The following CAMK2A variants were observed in gnomAD, a reference collection of about 807,000 sequenced individuals.
The protein encoded by CAMK2A is calcium/calmodulin dependent protein kinase II alpha, also known as calcium/calmodulin-dependent protein kinase type II subunit alpha.
A neutral mutation model predicts 79.2 loss-of-function variants in CAMK2A; 7 were observed. That is an observed-to-expected ratio of 0.09 (90% CI 0.05 to 0.17). CAMK2A has a LOEUF of 0.17. CAMK2A is among the 10% of genes least tolerant of loss of function. The probability of loss-of-function intolerance (pLI) is 1.00; values close to 1 mark genes in which losing one functional copy is unlikely to be tolerated. For synonymous variants in CAMK2A, 242 were observed against 251.7 expected (o/e 0.96, Z 0.36); for missense variants, 214 against 646.4 (o/e 0.33, Z 7.25).
At chr5:150,283,018 C>A (rs893029966) in intron 1 of CAMK2A, among the ~76,000 whole-genome samples, 6 of 152,238 alleles carry the variant, frequency 3.9e-5, no homozygotes, top group African/African-American at 1.4e-4. Context: ...GACATCTCTG[C>A]AGACATAAGA....
chr5:150,257,687 C>T (rs1044224048), intron 3 of CAMK2A, 70 bp from the exon 4 acceptor site: 2 of 1,258,076 alleles, frequency 1.6e-6, no homozygotes, highest in Non-Finnish European at 2.3e-6. Flanking sequence ...CCCTCTCTCC[C>T]CTCCCGTGTA....
intron 15 of CAMK2A, among the ~76,000 whole-genome samples, chr5:150,237,639 C>T (rs1011678699): frequency 2.6e-5 from 4 of 152,094 alleles, no homozygotes; most frequent in Non-Finnish European, 4.4e-5. Context: ...TTGTGAGCCA[C>T]GGGACGACAG....
At chr5:150,245,323 G>A (rs1755517108) in intron 12 of CAMK2A, 122 bp from the exon 13 acceptor site, 1 of 817,396 alleles carries the variant, frequency 1.2e-6, no homozygotes, top group Admixed American at 2.2e-5. Context: ...AGCTGGCCCA[G>A]CGATCCTGGG....
chr5:150,247,582 G>A (rs1431919868), intron 12 of CAMK2A, among the ~76,000 whole-genome samples, 190 bp downstream of exon 12: 1 of 152,156 alleles, frequency 6.6e-6, no homozygotes, highest in East Asian at 1.9e-4. Context: ...CCCTGGGCTT[G>A]CTGACTTTTG....
rs143106808 is a variant in CAMK2A at position 150,283,644 on chromosome 5, G to A, written c.62+5920C>T. On this transcript the variant is annotated intron_variant, in intron 1 of 18. Coordinates refer to ENST00000671881, the MANE Select transcript of CAMK2A (RefSeq NM_015981.4). Reference sequence around the variant, plus strand: ...CCCAACTAATCGAGGTCTCTTTGCAGCTCACAATTCCATGTGTGTGGCCAA... The same window carrying A: ...CCCAACTAATCGAGGTCTCTTTGCAACTCACAATTCCATGTGTGTGGCCAA... Among the ~76,000 whole-genome samples, 535 of 152,262 alleles carry A rather than the reference G, an allele frequency of 3.5e-3. 2 individuals carry two copies. Among genetic ancestry groups the A allele is most frequent in the African/African-American group, 0.011 (468 of 41,528 alleles).
chr5:150,223,303 C>T lies in CAMK2A; in HGVS notation c.1238-86G>A. 1 of 1,138,184 alleles carries T rather than the reference C, an allele frequency of 8.8e-7. No individual in the cohort carries two copies. The highest frequency in any genetic ancestry group is 1.4e-5 in the South Asian group (1 of 71,536). 70.5% of individuals were successfully genotyped at this position (1,138,184 alleles called of 1,614,324 possible). A position where few individuals can be genotyped will look rare whatever the true frequency, so the allele number is the denominator to read the frequency against. On this transcript the variant is annotated intron_variant, in intron 17 of 18. Coordinates refer to ENST00000671881, the MANE Select transcript of CAMK2A (RefSeq NM_015981.4). This position sits in a 1 kb window ranked among gnomAD's most constrained non-coding sequence, Gnocchi z 4.1. Reference sequence around the variant, plus strand: ...TTCACTTTCTCCACTCCCAGCAGCCCTCTCAATGGAGGCGCCCTGCCTGAC... The same window carrying T: ...TTCACTTTCTCCACTCCCAGCAGCCTTCTCAATGGAGGCGCCCTGCCTGAC...
At chr5:150,250,569 G>T in intron 10 of CAMK2A, 119 bp downstream of exon 10, 1 of 1,372,302 alleles carries the variant, frequency 7.3e-7, no homozygotes, top group South Asian at 1.3e-5. Context: ...AGCAGGGGCA[G>T]TCTCTTGGAT....
intron 2 of CAMK2A, among the ~76,000 whole-genome samples, chr5:150,267,442 C>T (rs958368845): frequency 5.3e-5 from 8 of 152,188 alleles, no homozygotes; most frequent in African/African-American, 1.4e-4. Flanking sequence ...AGAATATTGA[C>T]AGGATTGAAA....
At chr5:150,251,688 G>A (rs746264752) in intron 9 of CAMK2A, 62 bp downstream of exon 9, 5 of 1,300,370 alleles carry the variant, frequency 3.8e-6, no homozygotes, top group African/African-American at 1.5e-5. Context: ...GTGGCTTGGC[G>A]CTGGCTTTCA....
chr5:150,224,400 T>C (rs1335217125), intron 17 of CAMK2A, among the ~76,000 whole-genome samples: 2 of 152,002 alleles, frequency 1.3e-5, no homozygotes, highest in East Asian at 3.9e-4. Context: ...ATATTAAAAA[T>C]CTCCCTTCTC....
At chr5:150,288,598 G>A (rs1041773679) in intron 1 of CAMK2A, among the ~76,000 whole-genome samples, 6 of 152,020 alleles carry the variant, frequency 3.9e-5, no homozygotes, top group African/African-American at 1.5e-4. Flanking sequence ...TGCCTCCAGG[G>A]CCCCTCCCCC....
intron 3 of CAMK2A, among the ~76,000 whole-genome samples, chr5:150,260,555 T>C (rs903908683): frequency 1.3e-5 from 2 of 152,082 alleles, no homozygotes; most frequent in African/African-American, 4.8e-5. Flanking sequence ...AGAAGCCCTT[T>C]GGTAAGTTGG....
intron 3 of CAMK2A, among the ~76,000 whole-genome samples, chr5:150,257,883 C>T (rs1159187760): frequency 2.0e-5 from 3 of 152,218 alleles, no homozygotes; most frequent in South Asian, 2.1e-4. Context: ...CTCCCCTCTC[C>T]GAAACCCTGT....
rs569382713 is a variant in CAMK2A at position 150,273,805 on chromosome 5, C to A, written c.63-646G>T. Among the ~76,000 whole-genome samples the A allele has an allele frequency of 2.6e-5, 4 of 152,326 alleles. No homozygotes were observed. The East Asian group carries it at 7.7e-4, about 29-fold the overall frequency. On this transcript the variant is annotated intron_variant, in intron 1 of 18. Coordinates refer to ENST00000671881, the MANE Select transcript of CAMK2A (RefSeq NM_015981.4). The stretch of plus-strand genomic sequence containing the variant: ...TATGGCTGTCCGATCCTTTATTCAG[C>A]CAGTCCCCTACTGATGGGCACTCAG...
At chr5:150,283,957 C>A (rs1019849618) in intron 1 of CAMK2A, among the ~76,000 whole-genome samples, 2 of 152,156 alleles carry the variant, frequency 1.3e-5, no homozygotes, top group Non-Finnish European at 2.9e-5. Flanking sequence ...CACCTGACAC[C>A]GTGGTAGACA....
In CAMK2A at chr5:150,222,979, G is replaced by T. The variant is rs986384006; in HGVS notation, c.1466+10C>A. On this transcript the variant is annotated intron_variant, in intron 18 of 18. Coordinates refer to ENST00000671881, the MANE Select transcript of CAMK2A (RefSeq NM_015981.4). ...CATTACCCTGGGAGGCAGGAAGGAGGGATTCTTACTGGGGCAGGACGGAGG... is the reference window on the plus strand; with the variant it reads ...CATTACCCTGGGAGGCAGGAAGGAGTGATTCTTACTGGGGCAGGACGGAGG... 2 of 1,609,924 alleles carry T rather than the reference G, an allele frequency of 1.2e-6. No homozygotes were observed. Among genetic ancestry groups the T allele is most frequent in the Non-Finnish European group, 1.7e-6 (2 of 1,176,186 alleles).
intron 16 of CAMK2A, among the ~76,000 whole-genome samples, chr5:150,229,409 C>T (rs1269960516): frequency 6.6e-6 from 1 of 152,190 alleles, no homozygotes; most frequent in African/African-American, 2.4e-5. Flanking sequence ...AAGCCCCAAC[C>T]CTGGAGGCAC....
Position 150,279,619 on chromosome 5 carries a change from G to A in CAMK2A, c.63-6460C>T, listed in dbSNP as rs148765440. On this transcript the variant is annotated intron_variant, in intron 1 of 18. Transcript: ENST00000671881. Reference sequence around the variant, plus strand: ...AAATGGACATTGTTTGCCAAGCTCGGGGAAGAAGCAAGCCAAGGTGGACGT... The same window carrying A: ...AAATGGACATTGTTTGCCAAGCTCGAGGAAGAAGCAAGCCAAGGTGGACGT... Among the ~76,000 whole-genome samples, 254 of 152,304 alleles carry A rather than the reference G, an allele frequency of 1.7e-3. 1 individual carries two copies. The highest frequency in any genetic ancestry group is 5.3e-3 in the African/African-American group (222 of 41,544).
At position 150,256,906 on chromosome 5, in the gene CAMK2A, AC is replaced by A; in HGVS notation, c.273-76del. On this transcript the variant is annotated intron_variant, in intron 4 of 18. Transcript: ENST00000671881. The surrounding 1 kb of genome is among the most constrained non-coding windows in gnomAD (Gnocchi z 4.6). ...CCTCATCTGGAGGAGTCTCCAGGAA[AC>A]TAAGGATGGGGCCCAGGGACCTCAG... is the stretch of plus-strand genomic sequence containing the variant. The A allele has an allele frequency of 7.5e-7, 1 of 1,335,118 alleles. No individual in the cohort carries two copies. Among genetic ancestry groups the A allele is most frequent in the East Asian group, 2.4e-5 (1 of 40,900 alleles). 82.7% of individuals were successfully genotyped at this position (1,335,118 alleles called of 1,614,324 possible). A position where few individuals can be genotyped will look rare whatever the true frequency, so the allele number is the denominator to read the frequency against.
Sources: allele counts gnomAD v4.1 joint callset (sites outside exome capture counted in the v4.1 genomes callset), GRCh38; gene constraint gnomAD v4.1.1; non-coding constraint Gnocchi (gnomAD v3.1); transcripts MANE v1.5; gene names NCBI Gene and HGNC (gene_info 2026-07-23, HGNC 2026-07-21).